GSDME: variants seen among roughly 807,000 people sequenced by gnomAD.
The protein encoded by GSDME is gasdermin E.
In GSDME, 44 loss-of-function variants were observed where a neutral mutation model predicts 47.5. That is an observed-to-expected ratio of 0.93 (90% CI 0.73 to 1.19). The LOEUF (loss-of-function observed/expected upper bound fraction) is 1.19, where lower values mean the gene tolerates loss of function less well. GSDME is among the 50% of genes most tolerant of loss of function. The pLI is 0.00. For synonymous variants in GSDME, 258 were observed against 252.8 expected, an observed-to-expected ratio of 1.02 and a Z score of -0.20; for missense variants, 663 against 604.2, an observed-to-expected ratio of 1.10 and a Z score of -1.02.
At chr7:24,778,692 A>AG in the GSDME span, among the ~76,000 whole-genome samples, 1 of 152,148 alleles carries the variant, frequency 6.6e-6, no homozygotes, top group African/African-American at 2.4e-5. The surrounding 1 kb of genome is among the most constrained non-coding windows in gnomAD (Gnocchi z 5.6). Context: ...CCAGCAGGAA[A>AG]GGGGGGCAAG....
the GSDME span, among the ~76,000 whole-genome samples, chr7:24,777,170 T>C: frequency 5.3e-5 from 8 of 152,204 alleles, no homozygotes; most frequent in African/African-American, 9.6e-5. Flanking sequence ...TTGGCTTCCT[T>C]ACACGGGTTG....
At chr7:24,762,313 G>A (rs1223271545), upstream of GSDME, among the ~76,000 whole-genome samples, 2 of 150,736 alleles carry the variant, frequency 1.3e-5, no homozygotes, top group Non-Finnish European at 2.9e-5. Flanking sequence ...AAAAACTTCT[G>A]TATTGTTTGT....
chr7:24,734,877 G>C (rs1389891857), intron 3 of GSDME, among the ~76,000 whole-genome samples: 1 of 152,196 alleles, frequency 6.6e-6, no homozygotes, highest in East Asian at 1.9e-4. Context: ...GGGGTAGAAA[G>C]TTTATTCAAA....
rs1788722843 is a variant in GSDME at position 24,698,458 on chromosome 7, A to C, written c.*568T>G. 2 of 173,730 alleles carry C rather than the reference A, an allele frequency of 1.2e-5. No individual in the cohort carries two copies. Among genetic ancestry groups the C allele is most frequent in the African/African-American group, 4.8e-5 (2 of 41,744 alleles). The allele number at this position is 173,730 out of a possible 1,614,324, so 10.8% of individuals were successfully genotyped here. ...TCACTGAAGCATGGCAAGGTCACATAAAATGCATATAGCTAGGGTCCCAAG... is the reference window on the plus strand; with the variant it reads ...TCACTGAAGCATGGCAAGGTCACATCAAATGCATATAGCTAGGGTCCCAAG... On this transcript the variant is annotated 3_prime_UTR_variant, in exon 10 of 10. Transcript: ENST00000645220.
chr7:24,738,239 C>CA (rs1401086469), intron 3 of GSDME, among the ~76,000 whole-genome samples: 1 of 151,880 alleles, frequency 6.6e-6, no homozygotes, highest in Non-Finnish European at 1.5e-5. Flanking sequence ...AAGACTCCAC[C>CA]AAAAAACTAT....
At chr7:24,773,279 C>A in the GSDME span, among the ~76,000 whole-genome samples, 1 of 152,238 alleles carries the variant, frequency 6.6e-6, no homozygotes, top group East Asian at 1.9e-4. The surrounding 1 kb of genome is among the most constrained non-coding windows in gnomAD (Gnocchi z 5.4). Flanking sequence ...ATCATTTGGG[C>A]CTTAATTCTG....
At chr7:24,699,726 A>G (rs1371096657) in intron 9 of GSDME, among the ~76,000 whole-genome samples, 2 of 152,190 alleles carry the variant, frequency 1.3e-5, no homozygotes, top group Non-Finnish European at 2.9e-5. Flanking sequence ...CCAGGACCTC[A>G]GGCCTGATTC....
chr7:24,761,996 G>A (rs1449170540), upstream of GSDME, among the ~76,000 whole-genome samples: 47 of 152,162 alleles, frequency 3.1e-4, 1 homozygote, highest in Admixed American at 3.0e-3. This position sits in a 1 kb window ranked among gnomAD's most constrained non-coding sequence, Gnocchi z 4.4. Flanking sequence ...GCTTCTGTCT[G>A]TATTCCCAAC....
chr7:24,754,292 G>A lies in GSDME; in HGVS notation c.-20+3104C>T, dbSNP rs551915064. ...CACCTAGGTCAGGAGTTTGAAACCA[G>A]CCTGGCCCAACATGGTGAAACCCGG... On this transcript the variant is annotated intron_variant, in intron 1 of 9. Transcript: ENST00000645220. The surrounding 1 kb of genome is among the most constrained non-coding windows in gnomAD (Gnocchi z 5.0). Among the ~76,000 whole-genome samples, 1 of 152,198 alleles carries A rather than the reference G, an allele frequency of 6.6e-6. No individual in the cohort carries two copies. The highest frequency in any genetic ancestry group is 2.1e-4 in the South Asian group (1 of 4,808).
chr7:24,733,411 G>C lies in GSDME; in HGVS notation c.404+11151C>G, dbSNP rs1378017271. Among the ~76,000 whole-genome samples, 1 of 152,178 alleles carries C rather than the reference G, an allele frequency of 6.6e-6. No individual in the cohort carries two copies. The highest frequency in any genetic ancestry group is 1.5e-5 in the Non-Finnish European group (1 of 68,036). ...CTGCTTGAGAAAAGCAGAGAGAAAAGAGGACTTTGTCTTGCAGCTTGGGTA... is the reference window on the plus strand; with the variant it reads ...CTGCTTGAGAAAAGCAGAGAGAAAACAGGACTTTGTCTTGCAGCTTGGGTA... On this transcript the variant is annotated intron_variant, in intron 3 of 9. Coordinates refer to ENST00000645220, the MANE Select transcript of GSDME (RefSeq NM_001127453.2). The surrounding 1 kb of genome is among the most constrained non-coding windows in gnomAD (Gnocchi z 4.3).
At chr7:24,708,387 G>GT in intron 6 of GSDME, 133 bp from the exon 7 acceptor site, 1 of 1,107,888 alleles carries the variant, frequency 9.0e-7, no homozygotes, top group East Asian at 2.6e-5. Flanking sequence ...AGTCAGTCAT[G>GT]GAACTCAGAA....
At chr7:24,729,019 A>C (rs1217293737) in intron 3 of GSDME, among the ~76,000 whole-genome samples, 4 of 152,238 alleles carry the variant, frequency 2.6e-5, no homozygotes, top group Non-Finnish European at 5.9e-5. Flanking sequence ...GCCTCTGTCC[A>C]CATTATAGTC....
chr7:24,752,322 G>A (rs553722315), intron 1 of GSDME, among the ~76,000 whole-genome samples: 35 of 152,342 alleles, frequency 2.3e-4, no homozygotes, highest in South Asian at 4.1e-4. Context: ...CAAAGCTGGG[G>A]AGGCCCCCAA....
Position 24,757,231 on chromosome 7 carries a change from G to A in GSDME, c.-20+165C>T, listed in dbSNP as rs1394322395. 6.6e-6 allele frequency among the ~76,000 whole-genome samples: 1 copy of A among 152,088 alleles called. No individual in the cohort carries two copies. Among genetic ancestry groups the A allele is most frequent in the Non-Finnish European group, 1.5e-5 (1 of 67,992 alleles). ...GACCTGCCGTTCCGGCGGCCGGGCA[G>A]CCAATCGATTCGTCTCCCCTAGGAA... On this transcript the variant is annotated intron_variant, in intron 1 of 9. Coordinates refer to ENST00000645220, the MANE Select transcript of GSDME (RefSeq NM_001127453.2). The surrounding 1 kb of genome is among the most constrained non-coding windows in gnomAD (Gnocchi z 5.9).
chr7:24,711,676 A>G (rs564303674), intron 5 of GSDME, among the ~76,000 whole-genome samples: 3 of 152,140 alleles, frequency 2.0e-5, no homozygotes, highest in South Asian at 4.2e-4. Flanking sequence ...TGAGCTGGGC[A>G]TGGTCACACA....
At position 24,714,201 on chromosome 7, in the gene GSDME, G is replaced by A. The variant is rs1454008691; in HGVS notation, c.697+3053C>T. 6.6e-6 allele frequency among the ~76,000 whole-genome samples: 1 copy of A among 152,160 alleles called. No homozygotes were observed. The highest frequency in any genetic ancestry group is 1.5e-5 in the Non-Finnish European group (1 of 68,020). Reference sequence around the variant, plus strand: ...AGGGGAGCTGTGGGTGAAGGAAAGGGTCTCATTGCAGCTGGCATGGCTGAA... The same window carrying A: ...AGGGGAGCTGTGGGTGAAGGAAAGGATCTCATTGCAGCTGGCATGGCTGAA... On this transcript the variant is annotated intron_variant, in intron 5 of 9. Coordinates refer to ENST00000645220, the MANE Select transcript of GSDME (RefSeq NM_001127453.2). This position sits in a 1 kb window ranked among gnomAD's most constrained non-coding sequence, Gnocchi z 5.0.
At chr7:24,794,613 C>T in the GSDME span, among the ~76,000 whole-genome samples, 1 of 152,106 alleles carries the variant, frequency 6.6e-6, no homozygotes, top group Non-Finnish European at 1.5e-5. Context: ...TTCTGATGGC[C>T]ATCCCACCTC....
chr7:24,758,182 T>C (rs185904190), upstream of GSDME: 5 of 152,242 alleles, frequency 3.3e-5, no homozygotes, highest in Non-Finnish European at 7.3e-5. This position sits in a 1 kb window ranked among gnomAD's most constrained non-coding sequence, Gnocchi z 4.6. Context: ...AACCATTACT[T>C]AAGTTGTTAC....
At chr7:24,777,115 T>TA in the GSDME span, among the ~76,000 whole-genome samples, 1 of 152,154 alleles carries the variant, frequency 6.6e-6, no homozygotes, top group African/African-American at 2.4e-5. Flanking sequence ...AAAATGCCAT[T>TA]AAAAATATAT....
Sources: gnomAD v4.1 joint callset for allele counts (sites outside exome capture counted in the v4.1 genomes callset) on GRCh38, gnomAD v4.1.1 for gene constraint, Gnocchi (gnomAD v3.1) non-coding constraint, MANE v1.5 for transcripts, NCBI Gene and HGNC (gene_info 2026-07-23, HGNC 2026-07-21) for gene names.